FAM135B: variants seen among roughly 807,000 people sequenced by gnomAD.
FAM135B encodes the protein protein FAM135B.
FAM135B carries 43 observed loss-of-function variants against 127.7 expected under a neutral mutation model. The ratio of observed to expected loss-of-function variants is 0.34; its 90% CI spans 0.26 to 0.43. FAM135B has a LOEUF of 0.43. Among genes scored for constraint, FAM135B ranks in the 20% least tolerant of loss-of-function variants. The pLI is 1.00. For synonymous variants in FAM135B, 670 were observed against 665.1 expected, an observed-to-expected ratio of 1.01 and a Z score of -0.11; for missense variants, 1,558 against 1,725.6, an observed-to-expected ratio of 0.90 and a Z score of 1.72.
intron 2 of FAM135B, among the ~76,000 whole-genome samples, chr8:138,318,348 T>C (rs1827228775): frequency 6.6e-6 from 1 of 152,242 alleles, no homozygotes; most frequent in Non-Finnish European, 1.5e-5. Flanking sequence ...AACATATTAA[T>C]ACAATGAGTC....
At chr8:138,275,205 G>T (rs896395549) in intron 3 of FAM135B, among the ~76,000 whole-genome samples, 1 of 152,138 alleles carries the variant, frequency 6.6e-6, no homozygotes. Context: ...GGCTTCAGCC[G>T]GTCCCTCTGT....
At chr8:138,231,689 A>G (rs548763358) in intron 7 of FAM135B, among the ~76,000 whole-genome samples, 71 of 152,320 alleles carry the variant, frequency 4.7e-4, no homozygotes, top group Non-Finnish European at 7.8e-4. Context: ...CAACCCTGCC[A>G]GGAGCTGTCT....
At chr8:138,327,229 T>A (rs1266796580) in intron 2 of FAM135B, among the ~76,000 whole-genome samples, 3 of 152,182 alleles carry the variant, frequency 2.0e-5, no homozygotes, top group Non-Finnish European at 4.4e-5. Context: ...TTCTTGCAAG[T>A]CAACCGTGTG....
At chr8:138,190,465 A>G (rs559495349) in intron 9 of FAM135B, among the ~76,000 whole-genome samples, 1 of 152,230 alleles carries the variant, frequency 6.6e-6, no homozygotes, top group South Asian at 2.1e-4. Context: ...AGAAAATACC[A>G]ACACAACAGA....
At chr8:138,492,874 G>A (rs1216233405) in intron 1 of FAM135B, among the ~76,000 whole-genome samples, 2 of 152,158 alleles carry the variant, frequency 1.3e-5, no homozygotes, top group Non-Finnish European at 1.5e-5. Flanking sequence ...TGTTCTTGCC[G>A]ATTTCCATGC....
At position 138,152,456 on chromosome 8, in the gene FAM135B, G is replaced by C. The variant is rs368182418; in HGVS notation, c.2019C>G (p.Ser673=). 9.9e-6 allele frequency: 16 copies of C among 1,613,974 alleles called. No homozygotes were observed. Among genetic ancestry groups the C allele is most frequent in the African/African-American group, 4.0e-5 (3 of 74,912 alleles). ...TEEQEELSVL[S]GVIKRSSSII... is the part of the protein sequence containing the mutation. ...TGGATGAAGATCTCTTGATGACCCC[G>C]GATAGCACTGAGAGTTCCTCCTGCT... The change falls in exon 13 of 20, where the codon TCC becomes TCG. Residue 673 remains serine, a synonymous_variant. Coordinates refer to ENST00000395297, the MANE Select transcript of FAM135B (RefSeq NM_015912.4).
At chr8:138,234,177 T>C (rs564086121) in intron 7 of FAM135B, among the ~76,000 whole-genome samples, 11 of 152,130 alleles carry the variant, frequency 7.2e-5, no homozygotes, top group African/African-American at 2.7e-4. Context: ...TCAACACTTA[T>C]CTTGTAAAAA....
At chr8:138,455,080 T>A (rs2131597935) in intron 1 of FAM135B, among the ~76,000 whole-genome samples, 1 of 152,336 alleles carries the variant, frequency 6.6e-6, no homozygotes, top group Middle Eastern at 3.4e-3. Context: ...GAACTGAGTG[T>A]GATTTTGTGA....
At chr8:138,316,493 C>CA (rs1219512556) in intron 2 of FAM135B, among the ~76,000 whole-genome samples, 1 of 147,218 alleles carries the variant, frequency 6.8e-6, no homozygotes, top group Non-Finnish European at 1.5e-5. Context: ...GACTCCGTCT[C>CA]AAAAAACAAA....
intron 12 of FAM135B, among the ~76,000 whole-genome samples, chr8:138,166,514 A>T (rs545057901): frequency 1.3e-4 from 20 of 152,340 alleles, no homozygotes; most frequent in African/African-American, 4.6e-4. Context: ...ATTTAACATC[A>T]TCAGTAGGTT....
At chr8:138,342,125 A>T (rs2131064486) in intron 2 of FAM135B, among the ~76,000 whole-genome samples, 1 of 152,330 alleles carries the variant, frequency 6.6e-6, no homozygotes, top group South Asian at 2.1e-4. Flanking sequence ...TTTTATCCCC[A>T]CAAAACACCA....
At chr8:138,309,187 G>A (rs796172245) in intron 3 of FAM135B, among the ~76,000 whole-genome samples, 1 of 152,224 alleles carries the variant, frequency 6.6e-6, no homozygotes, top group East Asian at 1.9e-4. Context: ...GCAGGGCAGG[G>A]TCCAAATCCC....
At chr8:138,163,386 A>G (rs758830244) in intron 12 of FAM135B, among the ~76,000 whole-genome samples, 3 of 152,098 alleles carry the variant, frequency 2.0e-5, no homozygotes, top group African/African-American at 7.2e-5. Context: ...CGTGCCTGGC[A>G]CATGGCACAT....
Position 138,297,648 on chromosome 8 carries a change from G to A in FAM135B, c.157+13193C>T, listed in dbSNP as rs934866746. On this transcript the variant is annotated intron_variant, in intron 3 of 19. Coordinates refer to ENST00000395297, the MANE Select transcript of FAM135B (RefSeq NM_015912.4). ...TTGTCACTGCTGCATCAGTGTGAAC[G>A]TCCAATGAGAGCTGGGAGTATGAAG... Among the ~76,000 whole-genome samples, 25 of 152,320 alleles carry A rather than the reference G, an allele frequency of 1.6e-4. No individual in the cohort carries two copies. In the South Asian group the frequency reaches 5.0e-3, roughly 30 times the overall value.
intron 9 of FAM135B, 152 bp downstream of exon 9, chr8:138,195,106 C>T: frequency 1.5e-6 from 1 of 684,638 alleles, no homozygotes; most frequent in East Asian, 2.6e-5. Flanking sequence ...TGTAGGGTAA[C>T]AGAATGTAAG....
At chr8:138,285,313 A>C (rs1438404799) in intron 3 of FAM135B, among the ~76,000 whole-genome samples, 1 of 151,754 alleles carries the variant, frequency 6.6e-6, no homozygotes, top group Non-Finnish European at 1.5e-5. Context: ...TGCCCGGCTA[A>C]TTTTTGTATT....
intron 1 of FAM135B, among the ~76,000 whole-genome samples, chr8:138,423,019 A>T (rs985864188): frequency 2.6e-5 from 4 of 152,228 alleles, no homozygotes; most frequent in Admixed American, 6.5e-5. Flanking sequence ...ACAAGAACAG[A>T]AAACCACAGA....
intron 1 of FAM135B, among the ~76,000 whole-genome samples, chr8:138,456,478 C>T (rs1016559539): frequency 6.6e-6 from 1 of 152,132 alleles, no homozygotes; most frequent in African/African-American, 2.4e-5. Context: ...CTGTGTTTTG[C>T]TCCTTCAATA....
chr8:138,315,954 G>A (rs1382657400), intron 2 of FAM135B, among the ~76,000 whole-genome samples: 1 of 152,120 alleles, frequency 6.6e-6, no homozygotes, highest in Non-Finnish European at 1.5e-5. Flanking sequence ...TGTACAGCCG[G>A]AGGATTATAG....
Sources: gnomAD v4.1 joint callset for allele counts (sites outside exome capture counted in the v4.1 genomes callset) on GRCh38, gnomAD v4.1.1 for gene constraint, MANE v1.5 for transcripts, NCBI Gene and HGNC (gene_info 2026-07-23, HGNC 2026-07-21) for gene names.